Variants in GPANK1 observed in about 807,000 individuals in gnomAD.
GPANK1 encodes the protein G patch domain and ankyrin repeat-containing protein 1.
In GPANK1, 22 loss-of-function variants were observed where a neutral mutation model predicts 24.0. The observed-to-expected ratio is 0.92, with a 90% CI of 0.66 to 1.31. The LOEUF (loss-of-function observed/expected upper bound fraction) is 1.31, where lower values mean the gene tolerates loss of function less well. Ranked by LOEUF, GPANK1 falls within the 50% of genes most tolerant of loss-of-function variation. The pLI is 0.00. For synonymous variants in GPANK1, 174 were observed against 177.4 expected (o/e 0.98, Z 0.15); for missense variants, 469 against 453.5 (o/e 1.03, Z -0.31).
chr6:31,665,775 C>T (rs805258), upstream of GPANK1: 42,566 of 1,029,498 alleles, frequency 0.041, 1,474 homozygotes, highest in African/African-American at 0.14. Flanking sequence ...CAGCCTGGCT[C>T]CCTCCTTTCC....
chr6:31,663,885 C>CT lies in GPANK1; in HGVS notation c.593dup (p.Ser199GlufsTer24), dbSNP rs1310130462. ...CCGGGCTCCTTGTCTCTCCATGGCT[C>CT]TCCCTGACCATGCGGGCTACCTCAG... On this transcript the variant is annotated frameshift_variant, in exon 2 of 3. Coordinates refer to ENST00000375896, the MANE Select transcript of GPANK1 (RefSeq NM_033177.4). LOFTEE classifies it high-confidence loss of function. 5.0e-6 allele frequency: 8 copies of CT among 1,594,148 alleles called. No homozygotes were observed. The highest frequency in any genetic ancestry group is 6.8e-6 in the Non-Finnish European group (8 of 1,169,882).
chr6:31,663,955 A>C lies in GPANK1; in HGVS notation c.524T>G (p.Leu175Arg). Reference protein sequence around the residue: ...RGAAWVGVCELSGRDAAQLAE... With the variant: ...RGAAWVGVCERSGRDAAQLAE... ...GAGCTGAGCCGCATCCCTGCCACTC[A>C]GCTCACAGACCCCCACCCAGGCAGC... Residue 175 changes from leucine (L) to arginine (R), a missense_variant, in exon 2 of 3, where the codon CTG (leucine) becomes CGG (arginine). Transcript: ENST00000375896. 1 of 1,614,078 alleles carries C rather than the reference A, an allele frequency of 6.2e-7. No individual in the cohort carries two copies. The highest frequency in any genetic ancestry group is 8.5e-7 in the Non-Finnish European group (1 of 1,180,016).
upstream of GPANK1, chr6:31,665,401 A>G (rs1374512148): frequency 1.3e-6 from 2 of 1,533,950 alleles, no homozygotes; most frequent in Admixed American, 3.9e-5. Flanking sequence ...GCCCCTCACC[A>G]TTACTCTGAC....
Position 31,662,804 on chromosome 6 carries a change from T to C in GPANK1, c.627-94A>G, listed in dbSNP as rs1801065398. The C allele has an allele frequency of 6.7e-6, 5 of 749,962 alleles. No individual in the cohort carries two copies. The highest frequency in any genetic ancestry group is 1.1e-5 in the Non-Finnish European group (5 of 468,662). The allele number at this position is 749,962 out of a possible 1,614,324, so 46.5% of individuals were successfully genotyped here. A position where few individuals can be genotyped will look rare whatever the true frequency, so the allele number is the denominator to read the frequency against. ...GGGCTGGCAGGGTAGAATAGGATCT[T>C]TTCAGCTTTTCTGCTAAGGAACAAA... On this transcript the variant is annotated intron_variant, in intron 2 of 2. Coordinates refer to ENST00000375896, the MANE Select transcript of GPANK1 (RefSeq NM_033177.4). This position sits in a 1 kb window ranked among gnomAD's most constrained non-coding sequence, Gnocchi z 5.5.
chr6:31,664,077 C>T lies in GPANK1; in HGVS notation c.402G>A (p.Gly134=), dbSNP rs746340580. ...LEPHEAGGAG[G]NINARDAFWW... is the part of the protein sequence containing the mutation. ...AGAAGGCATCCCGGGCGTTGATATT[C>T]CCCCCAGCTCCTCCTGCCTCATGCG... Residue 134 remains glycine (G), a synonymous_variant, in exon 2 of 3, where the codon GGG becomes GGA. Transcript: ENST00000375896. The T allele has an allele frequency of 1.1e-5, 17 of 1,614,034 alleles. No homozygotes were observed. Among genetic ancestry groups the T allele is most frequent in the Non-Finnish European group, 1.4e-5 (16 of 1,179,940 alleles).
intron 2 of GPANK1, among the ~76,000 whole-genome samples, chr6:31,663,102 G>A (rs947505891): frequency 1.3e-5 from 2 of 151,200 alleles, no homozygotes; most frequent in Admixed American, 6.6e-5. Context: ...ACCATGTCCC[G>A]GCAAAGCCTG....
At chr6:31,664,659 G>A in intron 1 of GPANK1, 82 bp from the exon 2 acceptor site, 1 of 594,936 alleles carries the variant, frequency 1.7e-6, no homozygotes, top group Non-Finnish European at 3.0e-6. Flanking sequence ...CAGGGCCTAA[G>A]GGAGAGAGAC....
chr6:31,666,044 T>G (rs1287538448), upstream of GPANK1: 1 of 996,822 alleles, frequency 1.0e-6, no homozygotes. Context: ...ACCTGACCCT[T>G]GGCGCTTGCG....
rs2151159842 is a variant in GPANK1 at position 31,661,864 on chromosome 6, G to A, written c.*402C>T. The A allele has an allele frequency of 5.0e-6, 1 of 201,392 alleles. No homozygotes were observed. The highest frequency in any genetic ancestry group is 1.8e-3 in the Middle Eastern group (1 of 568). The allele number at this position is 201,392 out of a possible 1,614,324, so 12.5% of individuals were successfully genotyped here. A position where few individuals can be genotyped will look rare whatever the true frequency, so the allele number is the denominator to read the frequency against. The stretch of plus-strand genomic sequence containing the variant: ...AGTCAGGGAACTCCTCCTGGGGGAA[G>A]TGAGACTTGCACGAAGCTGGGCAAT... On this transcript the variant is annotated 3_prime_UTR_variant, in exon 3 of 3. Coordinates refer to ENST00000375896, the MANE Select transcript of GPANK1 (RefSeq NM_033177.4).
chr6:31,666,222 C>T, upstream of GPANK1: 2 of 986,728 alleles, frequency 2.0e-6, no homozygotes, highest in Middle Eastern at 5.2e-4. Context: ...AGTCTGAAGT[C>T]GTCGCTGCTC....
chr6:31,666,014 G>T (rs570478106), upstream of GPANK1: 2 of 997,870 alleles, frequency 2.0e-6, no homozygotes, highest in African/African-American at 1.7e-5. Context: ...GGGACTCCGT[G>T]TCCCGGCATC....
rs778655102 is a variant in GPANK1 at position 31,664,480 on chromosome 6, G to A, written c.-2C>T. 1.2e-6 allele frequency: 2 copies of A among 1,601,060 alleles called. No individual in the cohort carries two copies. The highest frequency in any genetic ancestry group is 2.2e-5 in the South Asian group (2 of 90,224). On this transcript the variant is annotated 5_prime_UTR_variant, in exon 2 of 3. Transcript: ENST00000375896. ...GGTGATGAGCAAGGGCCGGGACATG[G>A]CTTTTGGGAGAACTGAGAAAATGAT...
In GPANK1 at chr6:31,662,407, T is replaced by C; in HGVS notation, c.930A>G (p.Pro310=). The C allele has an allele frequency of 6.2e-7, 1 of 1,612,596 alleles. No individual in the cohort carries two copies. Among genetic ancestry groups the C allele is most frequent in the African/African-American group, 1.3e-5 (1 of 75,038 alleles). Residue 310 remains proline, a synonymous_variant, in exon 3 of 3, where the codon CCA becomes CCG. Coordinates refer to ENST00000375896, the MANE Select transcript of GPANK1 (RefSeq NM_033177.4). This position sits in a 1 kb window ranked among gnomAD's most constrained non-coding sequence, Gnocchi z 5.5. ...SAPQPRVTHF[P]AWDTRAVAGR... is the part of the protein sequence containing the mutation. ...CAGCCACAGCTCGGGTATCCCAAGC[T>C]GGGAAATGTGTCACTCGGGGCTGGG...
upstream of GPANK1, chr6:31,665,422 A>G: frequency 6.4e-7 from 1 of 1,557,520 alleles, no homozygotes; most frequent in Non-Finnish European, 8.7e-7. Context: ...CAGGGTTCGA[A>G]GGTCACACTT....
upstream of GPANK1, chr6:31,665,122 C>T (rs35377600): frequency 0.027 from 10,992 of 406,898 alleles, 314 homozygotes; most frequent in African/African-American, 0.069. Context: ...CGCAAAGCTC[C>T]GGGTTCAGTT....
chr6:31,666,133 C>T, upstream of GPANK1: 2 of 993,862 alleles, frequency 2.0e-6, no homozygotes, highest in Non-Finnish European at 2.4e-6. Flanking sequence ...CCGCGGCCTG[C>T]GCTGTAGCGG....
upstream of GPANK1, chr6:31,666,112 CGCGGTCGGGTCCGCGGCCTGCGCTGTA>C (rs1801661066): frequency 1.0e-6 from 1 of 993,282 alleles, no homozygotes; most frequent in African/African-American, 1.7e-5. Flanking sequence ...CTTCGCCTGC[CGCGGTCGGGTCCGCGGCCTGCGCTGTA>C]GCGGTCGCCG....
upstream of GPANK1, chr6:31,665,417 T>A: frequency 6.4e-7 from 1 of 1,553,702 alleles, no homozygotes; most frequent in Non-Finnish European, 8.7e-7. Flanking sequence ...CTGACCAGGG[T>A]TCGAAGGTCA....
At chr6:31,665,567 G>A, upstream of GPANK1, 8 of 1,158,666 alleles carry the variant, frequency 6.9e-6, no homozygotes, top group Non-Finnish European at 9.3e-6. Flanking sequence ...ACGGAGCCAA[G>A]CCGCACCTCT....
Sources: gnomAD v4.1 joint callset for allele counts (sites outside exome capture counted in the v4.1 genomes callset) on GRCh38, gnomAD v4.1.1 for gene constraint, Gnocchi (gnomAD v3.1) non-coding constraint, MANE v1.5 for transcripts, NCBI Gene and HGNC (gene_info 2026-07-23, HGNC 2026-07-21) for gene names.